FGD5: variants seen among roughly 807,000 people sequenced by gnomAD.
FGD5 encodes FYVE, RhoGEF and PH domain-containing protein 5.
A neutral mutation model predicts 133.4 loss-of-function variants in FGD5; 28 were observed. The ratio of observed to expected loss-of-function variants is 0.21; its 90% CI spans 0.16 to 0.29. The LOEUF (loss-of-function observed/expected upper bound fraction) is 0.29. Ranked by LOEUF, FGD5 falls within the 10% of genes least tolerant of loss-of-function variation. The pLI, the probability that FGD5 is intolerant of heterozygous loss-of-function variation, is 1.00. For missense variants in FGD5, 1,858 were observed against 1,895.2 expected, an observed-to-expected ratio of 0.98 and a Z score of 0.36; for synonymous variants, 810 against 776.5, an observed-to-expected ratio of 1.04 and a Z score of -0.72.
At chr3:14,921,813 G>A in intron 13 of FGD5, 105 bp from the exon 14 acceptor site, 1 of 1,040,320 alleles carries the variant, frequency 9.6e-7, no homozygotes, top group South Asian at 1.4e-5. Context: ...CAGTGTGAGA[G>A]GTGCAGGCTC....
chr3:14,821,178 T>C lies in FGD5; in HGVS notation c.2107T>C (p.Ser703Pro). The C allele has an allele frequency of 6.2e-7, 1 of 1,613,774 alleles. No homozygotes were observed. Among genetic ancestry groups the C allele is most frequent in the Non-Finnish European group, 8.5e-7 (1 of 1,179,850 alleles). ...LEVDRRSLSN[S>P]PQLKSRTGKL... ...AGTTGACCGGAGAAGCCTCAGCAACTCCCCTCAGCTTAAGTCTCGGACTGG... is the reference window on the plus strand; with the variant it reads ...AGTTGACCGGAGAAGCCTCAGCAACCCCCCTCAGCTTAAGTCTCGGACTGG... Residue 703 changes from serine to proline, a missense_variant, in exon 1 of 20, where the codon TCC (serine) becomes CCC (proline). This residue lies in a region of FGD5 where 1,824 missense variants were observed against 1,848.9 expected (regional missense o/e 0.99). Coordinates refer to ENST00000285046, the MANE Select transcript of FGD5 (RefSeq NM_152536.4).
At chr3:14,838,066 C>A (rs954163217) in intron 1 of FGD5, among the ~76,000 whole-genome samples, 5 of 152,194 alleles carry the variant, frequency 3.3e-5, no homozygotes, top group East Asian at 1.9e-4. Flanking sequence ...GGGCCCTCAT[C>A]TAGAGACTGT....
intron 7 of FGD5, among the ~76,000 whole-genome samples, chr3:14,899,753 C>G (rs1301196350): frequency 1.3e-5 from 2 of 152,172 alleles, no homozygotes; most frequent in Non-Finnish European, 2.9e-5. Context: ...GTTAAGAACT[C>G]TTAAGAAAAA....
At chr3:14,908,945 T>G (rs139816718) in intron 10 of FGD5, among the ~76,000 whole-genome samples, 1 of 143,448 alleles carries the variant, frequency 7.0e-6, no homozygotes, top group African/African-American at 2.5e-5. Flanking sequence ...TTTATTTATT[T>G]ATTTATTCAT....
chr3:14,815,507 C>T (rs1352052352), upstream of FGD5, among the ~76,000 whole-genome samples: 1 of 152,038 alleles, frequency 6.6e-6, no homozygotes, highest in African/African-American at 2.4e-5. Flanking sequence ...ATTGATGTAT[C>T]CAAAGAATCT....
upstream of FGD5, among the ~76,000 whole-genome samples, chr3:14,815,282 C>T (rs1018913554): frequency 4.6e-5 from 7 of 152,086 alleles, no homozygotes; most frequent in Admixed American, 1.3e-4. Context: ...TAGCTTTCCT[C>T]ACCACTTTCG....
intron 11 of FGD5, among the ~76,000 whole-genome samples, chr3:14,913,369 C>T (rs1320165724): frequency 6.6e-6 from 1 of 152,164 alleles, no homozygotes; most frequent in African/African-American, 2.4e-5. Flanking sequence ...ATCTCATCAG[C>T]TCCCTGCCCC....
chr3:14,882,021 G>A lies in FGD5; in HGVS notation c.2748+1249G>A, dbSNP rs75105307. On this transcript the variant is annotated intron_variant, in intron 4 of 19. Coordinates refer to ENST00000285046, the MANE Select transcript of FGD5 (RefSeq NM_152536.4). ...ATAGCAGCCAGGACCCCAGGAGGGC[G>A]GATAGAGCACTACTCTGGTCTGGTG... 3.4e-3 allele frequency among the ~76,000 whole-genome samples: 521 copies of A among 152,264 alleles called. 5 individuals carry two copies. Among genetic ancestry groups the A allele is most frequent in the African/African-American group, 0.012 (489 of 41,544 alleles).
chr3:14,867,005 A>T (rs530479069), intron 2 of FGD5, among the ~76,000 whole-genome samples: 1 of 152,228 alleles, frequency 6.6e-6, no homozygotes, highest in African/African-American at 2.4e-5. Flanking sequence ...CATCAGCTAT[A>T]GGGTTGGACA....
At chr3:14,818,422 T>C (rs973784846), upstream of FGD5, among the ~76,000 whole-genome samples, 1 of 152,192 alleles carries the variant, frequency 6.6e-6, no homozygotes, top group Non-Finnish European at 1.5e-5. Flanking sequence ...TACCCTCCAG[T>C]TGTTGTAACT....
intron 4 of FGD5, chr3:14,897,006 A>G (rs1216764080): frequency 2.5e-5 from 4 of 161,084 alleles, no homozygotes; most frequent in Non-Finnish European, 4.0e-5. Flanking sequence ...GCTGAACACT[A>G]TGATGTGAAT....
intron 16 of FGD5, 108 bp from the exon 17 acceptor site, chr3:14,923,900 A>AC: frequency 7.3e-7 from 1 of 1,376,786 alleles, no homozygotes; most frequent in Non-Finnish European, 9.9e-7. Context: ...GTCCCACTTA[A>AC]CCCCCATGGC....
chr3:14,826,926 G>T (rs528011044), intron 1 of FGD5, among the ~76,000 whole-genome samples: 1 of 152,266 alleles, frequency 6.6e-6, no homozygotes, highest in East Asian at 1.9e-4. Context: ...ATGGGTTCAG[G>T]GCTGCAGGCA....
chr3:14,815,303 C>T (rs949041091), upstream of FGD5, among the ~76,000 whole-genome samples: 3 of 151,832 alleles, frequency 2.0e-5, no homozygotes, highest in African/African-American at 7.3e-5. Flanking sequence ...TGTCTTTGCT[C>T]ACATGTCCTC....
At chr3:14,886,881 G>A (rs571408093) in intron 4 of FGD5, among the ~76,000 whole-genome samples, 2 of 152,300 alleles carry the variant, frequency 1.3e-5, no homozygotes, top group East Asian at 3.9e-4. Flanking sequence ...TAATCCCATT[G>A]TGGTTGGAAA....
chr3:14,861,144 G>A (rs530763870), intron 1 of FGD5, among the ~76,000 whole-genome samples: 7 of 152,274 alleles, frequency 4.6e-5, no homozygotes, highest in South Asian at 4.2e-4. Flanking sequence ...AGGCAGCAAC[G>A]GCCACGCTGA....
intron 11 of FGD5, among the ~76,000 whole-genome samples, chr3:14,915,043 A>G (rs985484130): frequency 6.6e-6 from 1 of 152,224 alleles, no homozygotes; most frequent in African/African-American, 2.4e-5. Flanking sequence ...GCATTCCATC[A>G]TGGGTTGTCT....
intron 4 of FGD5, among the ~76,000 whole-genome samples, chr3:14,886,843 G>C (rs2037934415): frequency 6.6e-6 from 1 of 152,228 alleles, no homozygotes; most frequent in African/African-American, 2.4e-5. Context: ...CACATCTCCT[G>C]CTGCTGATTT....
rs978673430 is a variant in FGD5, at chr3:14,819,290, G to A, written c.219G>A (p.Leu73=). ...ACATCGTGGTCCCCAGGGTTCCGCT[G>A]AGGGAGGATGAACCCAAGGACGAGG... is the stretch of plus-strand genomic sequence containing the variant. The part of the protein sequence containing the change: ...EDYIVVPRVP[L]REDEPKDEGS... The change falls in exon 1 of 20, where the codon CTG becomes CTA. Residue 73 remains leucine, a synonymous_variant. Transcript: ENST00000285046. The surrounding 1 kb of genome is among the most constrained non-coding windows in gnomAD (Gnocchi z 4.1). 6 of 1,530,564 alleles carry A rather than the reference G, an allele frequency of 3.9e-6. No homozygotes were observed. The highest frequency in any genetic ancestry group is 5.3e-6 in the Non-Finnish European group (6 of 1,135,952). The allele number at this position is 1,530,564 out of a possible 1,614,324, so 94.8% of individuals were successfully genotyped here. A position where few individuals can be genotyped will look rare whatever the true frequency, so the allele number is the denominator to read the frequency against.
Sources: allele counts gnomAD v4.1 joint callset (sites outside exome capture counted in the v4.1 genomes callset), GRCh38; gene constraint gnomAD v4.1.1; regional missense constraint gnomAD v4.1.1; non-coding constraint Gnocchi (gnomAD v3.1); transcripts MANE v1.5; gene names NCBI Gene and HGNC (gene_info 2026-07-23, HGNC 2026-07-21).